ASPH: variants seen among roughly 807,000 people sequenced by gnomAD.
ASPH encodes aspartyl/asparaginyl beta-hydroxylase.
A neutral mutation model predicts 118.4 loss-of-function variants in ASPH; 100 were observed. The ratio of observed to expected loss-of-function variants is 0.84; its 90% CI spans 0.72 to 1.00. The LOEUF (loss-of-function observed/expected upper bound fraction) is 1.00, where lower values mean the gene tolerates loss of function less well. Among genes scored for constraint, ASPH ranks in the 50% least tolerant of loss-of-function variants. The pLI, the probability that ASPH is intolerant of heterozygous loss-of-function variation, is 0.00. For synonymous variants in ASPH, 315 were observed against 325.6 expected, an observed-to-expected ratio of 0.97 and a Z score of 0.35; for missense variants, 920 against 919.5, an observed-to-expected ratio of 1.00 and a Z score of -0.01.
intron 3 of ASPH, among the ~76,000 whole-genome samples, chr8:61,666,959 T>C (rs779858886): frequency 1.3e-5 from 2 of 152,198 alleles, no homozygotes; most frequent in Non-Finnish European, 2.9e-5. Flanking sequence ...AGAAGTAAAA[T>C]ATTTTATTGT....
At chr8:61,680,894 G>A in intron 3 of ASPH, 74 bp downstream of exon 3, 10 of 1,280,704 alleles carry the variant, frequency 7.8e-6, no homozygotes, top group Non-Finnish European at 9.9e-6. Flanking sequence ...TATTGAGATA[G>A]ATATTATTAA....
At chr8:61,558,861 T>C (rs1299218347) in intron 18 of ASPH, among the ~76,000 whole-genome samples, 1 of 152,170 alleles carries the variant, frequency 6.6e-6, no homozygotes, top group Non-Finnish European at 1.5e-5. Context: ...TTGAAATGCA[T>C]GGATTATCTT....
intron 1 of ASPH, among the ~76,000 whole-genome samples, chr8:61,698,375 T>G: frequency 6.6e-6 from 1 of 152,254 alleles, no homozygotes; most frequent in Non-Finnish European, 1.5e-5. Flanking sequence ...TACGATTTAC[T>G]ACATATGGAA....
Position 61,646,887 on chromosome 8 carries a change from A to G in ASPH, c.491-9T>C, listed in dbSNP as rs1808303223. On this transcript the variant is annotated splice_polypyrimidine_tract_variant and intron_variant, in intron 5 of 24. Transcript: ENST00000379454. ...CAAGTCTTCTCCCTCAACTATGACA[A>G]TGAACAAAGTGACACTGGCAACATA... 1 of 1,613,578 alleles carries G rather than the reference A, an allele frequency of 6.2e-7. No homozygotes were observed. Among genetic ancestry groups the G allele is most frequent in the African/African-American group, 1.3e-5 (1 of 74,888 alleles).
At chr8:61,584,613 TTTC>T (rs976120820) in intron 14 of ASPH, among the ~76,000 whole-genome samples, 5 of 83,356 alleles carry the variant, frequency 6.0e-5, no homozygotes, top group South Asian at 3.2e-4. Context: ...TTTCTTTCTT[TTTC>T]TTCTTTCTTT....
chr8:61,643,408 A>G lies in ASPH; in HGVS notation c.735T>C (p.Asp245=). The G allele has an allele frequency of 1.9e-6, 3 of 1,605,636 alleles. No homozygotes were observed. Among genetic ancestry groups the G allele is most frequent in the Non-Finnish European group, 2.5e-6 (3 of 1,179,598 alleles). ...NPDSSEPVVE[D]ERLHHDTDDV... ...TACCTGTATCATGGTGCAATCTTTCATCTTCTACTACTGGTTCACTGGAAT... is the reference window on the plus strand; with the variant it reads ...TACCTGTATCATGGTGCAATCTTTCGTCTTCTACTACTGGTTCACTGGAAT... Residue 245 remains aspartate (D), a synonymous_variant, in exon 9 of 25, where the codon GAT becomes GAC. Coordinates refer to ENST00000379454, the MANE Select transcript of ASPH (RefSeq NM_004318.4).
chr8:61,635,465 C>A (rs895596100), intron 12 of ASPH, among the ~76,000 whole-genome samples: 23 of 152,222 alleles, frequency 1.5e-4, no homozygotes, highest in Middle Eastern at 3.4e-3. Flanking sequence ...TTCAACCCCC[C>A]ACTTGATACT....
chr8:61,571,535 T>C (rs535879849), intron 16 of ASPH, among the ~76,000 whole-genome samples: 1 of 149,176 alleles, frequency 6.7e-6, no homozygotes, highest in Non-Finnish European at 1.5e-5. Context: ...TATTGTATCA[T>C]TTTTATTCGT....
intron 1 of ASPH, among the ~76,000 whole-genome samples, chr8:61,689,355 A>G (rs1831846953): frequency 6.6e-6 from 1 of 152,116 alleles, no homozygotes; most frequent in Non-Finnish European, 1.5e-5. Flanking sequence ...CTTTAAATTC[A>G]TTGTAATTAA....
At chr8:61,599,880 G>T (rs909862039) in intron 14 of ASPH, among the ~76,000 whole-genome samples, 4 of 152,132 alleles carry the variant, frequency 2.6e-5, no homozygotes, top group African/African-American at 7.2e-5. Flanking sequence ...AAATTGAAGA[G>T]AAGGGAATTC....
At chr8:61,513,163 G>C (rs1346845228) in intron 24 of ASPH, among the ~76,000 whole-genome samples, 1 of 152,208 alleles carries the variant, frequency 6.6e-6, no homozygotes, top group Admixed American at 6.5e-5. Flanking sequence ...TCTTTTAGAA[G>C]TTGAGACAGT....
intron 14 of ASPH, among the ~76,000 whole-genome samples, chr8:61,601,159 G>A (rs981344930): frequency 6.6e-6 from 1 of 151,198 alleles, no homozygotes; most frequent in African/African-American, 2.5e-5. Context: ...GGCTTTGGTA[G>A]CCCTCCATCA....
At chr8:61,576,736 CA>C in intron 16 of ASPH, 35 bp downstream of exon 16, 3 of 1,558,452 alleles carry the variant, frequency 1.9e-6, no homozygotes, top group Non-Finnish European at 2.6e-6. Context: ...ACATGAACAT[CA>C]AAAAAGTGTC....
chr8:61,648,360 T>C lies in ASPH; in HGVS notation c.491-1482A>G, dbSNP rs114353006. On this transcript the variant is annotated intron_variant, in intron 5 of 24. Transcript: ENST00000379454. ...GTGGCAAGGCAATGCTCTCAGGTGT[T>C]AGAGAATCAGGCAGGCCTATTTATG... Among the ~76,000 whole-genome samples the C allele has an allele frequency of 3.5e-3, 531 of 152,310 alleles. 2 individuals carry two copies. The highest frequency in any genetic ancestry group is 0.02 in the Middle Eastern group (6 of 294).
At chr8:61,648,941 T>C (rs929798812) in intron 5 of ASPH, among the ~76,000 whole-genome samples, 1 of 152,118 alleles carries the variant, frequency 6.6e-6, no homozygotes, top group Non-Finnish European at 1.5e-5. Context: ...GCAAAAGATA[T>C]ACCAGGTGCA....
intron 3 of ASPH, chr8:61,665,517 T>C: frequency 6.4e-7 from 1 of 1,568,570 alleles, no homozygotes; most frequent in Middle Eastern, 1.7e-4. Flanking sequence ...TCCTCTTTCT[T>C]CCCCTTTTTT....
chr8:61,576,926 A>G, intron 15 of ASPH, 68 bp from the exon 16 acceptor site: 1 of 1,325,460 alleles, frequency 7.5e-7, no homozygotes, highest in African/African-American at 1.5e-5. Context: ...ATTGTTATTT[A>G]ATATTCAGCA....
intron 23 of ASPH, 142 bp downstream of exon 23, chr8:61,517,890 C>T: frequency 4.5e-6 from 5 of 1,121,728 alleles, no homozygotes; most frequent in Non-Finnish European, 5.1e-6. Context: ...ACGTCAACCA[C>T]ATAAAATTAT....
chr8:61,587,428 G>C (rs898265199), intron 14 of ASPH, among the ~76,000 whole-genome samples: 4 of 152,172 alleles, frequency 2.6e-5, no homozygotes, highest in Non-Finnish European at 4.4e-5. Context: ...ATGACAGTGA[G>C]ACCTCCAGAA....
Sources: allele counts gnomAD v4.1 joint callset (sites outside exome capture counted in the v4.1 genomes callset), GRCh38; gene constraint gnomAD v4.1.1; transcripts MANE v1.5; gene names NCBI Gene and HGNC (gene_info 2026-07-23, HGNC 2026-07-21).